Variants in DLG2 observed in about 807,000 individuals in gnomAD.
The protein encoded by DLG2 is discs large MAGUK scaffold protein 2.
Under a neutral mutation model 132.5 loss-of-function variants are expected in DLG2, and 45 were observed. That is an observed-to-expected ratio of 0.34 (90% confidence interval 0.27 to 0.44). The LOEUF is 0.44. DLG2 is among the 20% of genes least tolerant of loss of function. The pLI is 1.00. For synonymous variants in DLG2, 424 were observed against 419.6 expected, an observed-to-expected ratio of 1.01 and a Z score of -0.13; for missense variants, 1,045 against 1,196.9, an observed-to-expected ratio of 0.87 and a Z score of 1.87.
At chr11:84,071,164 C>T (rs764994797) in intron 10 of DLG2, among the ~76,000 whole-genome samples, 6 of 152,222 alleles carry the variant, frequency 3.9e-5, no homozygotes, top group East Asian at 3.8e-4. Context: ...ACAATCACGA[C>T]GCACTGAAAC....
At chr11:84,663,374 C>T (rs887924296) in intron 6 of DLG2, among the ~76,000 whole-genome samples, 1 of 151,922 alleles carries the variant, frequency 6.6e-6, no homozygotes, top group Admixed American at 6.6e-5. Flanking sequence ...AGATTGCTGT[C>T]CTGGGCTCCA....
At chr11:84,907,400 C>G (rs1322050456) in intron 6 of DLG2, among the ~76,000 whole-genome samples, 1 of 152,036 alleles carries the variant, frequency 6.6e-6, no homozygotes, top group African/African-American at 2.4e-5. Context: ...TAGGAAGATT[C>G]AGGACATCAA....
At chr11:84,850,935 G>A (rs925494536) in intron 6 of DLG2, among the ~76,000 whole-genome samples, 1 of 152,042 alleles carries the variant, frequency 6.6e-6, no homozygotes, top group Non-Finnish European at 1.5e-5. Context: ...GGGCTGCAAG[G>A]CTTAATACTG....
intron 18 of DLG2, among the ~76,000 whole-genome samples, chr11:83,747,120 T>C (rs1261669061): frequency 6.6e-6 from 1 of 152,136 alleles, no homozygotes; most frequent in Admixed American, 6.6e-5. Context: ...GAGTGAGTCA[T>C]AACATAGCAC....
At chr11:85,244,847 A>G (rs1447774625) in intron 4 of DLG2, among the ~76,000 whole-genome samples, 1 of 151,998 alleles carries the variant, frequency 6.6e-6, no homozygotes, top group African/African-American at 2.4e-5. Flanking sequence ...TAGAATAATT[A>G]GAACTCTTGC....
Position 84,749,520 on chromosome 11 carries a change from G to A in DLG2, c.358-214789C>T, listed in dbSNP as rs528890659. On this transcript the variant is annotated intron_variant, in intron 6 of 27. Transcript: ENST00000376104. ...GTATTACAACTGCCTACCATATGCA[G>A]TATAGTAACATGCTGCACAGGTTTG... Among the ~76,000 whole-genome samples, 21 of 152,218 alleles carry A rather than the reference G, an allele frequency of 1.4e-4. No homozygotes were observed. In the South Asian group the frequency reaches 4.2e-3, roughly 30 times the overall value.
intron 19 of DLG2, among the ~76,000 whole-genome samples, chr11:83,605,965 G>A (rs1338736429): frequency 6.6e-6 from 1 of 152,190 alleles, no homozygotes. Flanking sequence ...TCTGTGACTT[G>A]AGATACTAGG....
rs558333662 is a variant in DLG2 at position 84,558,323 on chromosome 11, T to C, written c.358-23592A>G. Among the ~76,000 whole-genome samples, 257 of 152,272 alleles carry C rather than the reference T, an allele frequency of 1.7e-3. 2 individuals are homozygous for C. The highest frequency in any genetic ancestry group is 5.8e-3 in the African/African-American group (242 of 41,570). ...CCTTAAATCTAAAGCTCAACTCTGG[T>C]CTGGGTGAACTTGACTATTCTTAGA... On this transcript the variant is annotated intron_variant, in intron 6 of 27. Transcript: ENST00000376104.
intron 19 of DLG2, among the ~76,000 whole-genome samples, chr11:83,575,000 T>C (rs2096852577): frequency 6.6e-6 from 1 of 152,220 alleles, no homozygotes; most frequent in African/African-American, 2.4e-5. Context: ...TTCCATATTC[T>C]AAGACTTGCC....
chr11:84,616,826 T>C (rs1464391993), intron 6 of DLG2, among the ~76,000 whole-genome samples: 4 of 152,138 alleles, frequency 2.6e-5, no homozygotes, highest in Admixed American at 1.3e-4. Context: ...GAAGTTTTAT[T>C]ATTGTTAGTC....
intron 18 of DLG2, among the ~76,000 whole-genome samples, chr11:83,724,467 G>A (rs1179797901): frequency 1.8e-5 from 2 of 110,218 alleles, no homozygotes; most frequent in African/African-American, 6.7e-5. Flanking sequence ...CCGTGTGTGT[G>A]TGTGTGTGTG....
intron 7 of DLG2, among the ~76,000 whole-genome samples, chr11:84,511,860 G>T (rs886425804): frequency 6.6e-6 from 1 of 152,126 alleles, no homozygotes; most frequent in Non-Finnish European, 1.5e-5. Context: ...AAGGGCCTTA[G>T]AATGTAGATT....
intron 6 of DLG2, among the ~76,000 whole-genome samples, chr11:85,067,226 C>A (rs1258063233): frequency 6.7e-6 from 1 of 150,324 alleles, no homozygotes; most frequent in African/African-American, 2.4e-5. Flanking sequence ...CTATTTGATT[C>A]TTCTCTCCTT....
At chr11:84,262,327 A>C (rs1375510384) in intron 7 of DLG2, among the ~76,000 whole-genome samples, 1 of 152,178 alleles carries the variant, frequency 6.6e-6, no homozygotes, top group Non-Finnish European at 1.5e-5. Flanking sequence ...AGGAGAAGTT[A>C]GGTGGGAGGA....
intron 9 of DLG2, among the ~76,000 whole-genome samples, chr11:84,120,306 A>C (rs1384904112): frequency 6.6e-6 from 1 of 152,226 alleles, no homozygotes; most frequent in African/African-American, 2.4e-5. Context: ...AATGGAAAAA[A>C]GGGTAGGCAT....
At chr11:83,963,136 G>C in intron 13 of DLG2, 113 bp from the exon 14 acceptor site, 1 of 1,185,666 alleles carries the variant, frequency 8.4e-7, no homozygotes, top group Non-Finnish European at 1.2e-6. Flanking sequence ...GCATGCCAAG[G>C]TTTTTCTTGT....
chr11:85,017,263 G>A (rs1392246589), intron 6 of DLG2, among the ~76,000 whole-genome samples: 3 of 151,488 alleles, frequency 2.0e-5, no homozygotes, highest in Non-Finnish European at 4.4e-5. Flanking sequence ...TTTTTGTTTT[G>A]TTTTGCTCAA....
At chr11:83,768,524 TC>T (rs770315557) in intron 18 of DLG2, among the ~76,000 whole-genome samples, 3 of 152,204 alleles carry the variant, frequency 2.0e-5, no homozygotes, top group Non-Finnish European at 2.9e-5. Flanking sequence ...TAATCTGCTT[TC>T]TTTAACATCC....
chr11:84,071,398 C>G (rs2096754929), intron 10 of DLG2, among the ~76,000 whole-genome samples: 1 of 152,110 alleles, frequency 6.6e-6, no homozygotes, highest in Non-Finnish European at 1.5e-5. Context: ...AGCTACCATG[C>G]CTGGCCTGAA....
Sources: allele counts gnomAD v4.1 joint callset (sites outside exome capture counted in the v4.1 genomes callset), GRCh38; gene constraint gnomAD v4.1.1; transcripts MANE v1.5; gene names NCBI Gene and HGNC (gene_info 2026-07-23, HGNC 2026-07-21).